MTIF2: variants seen among roughly 807,000 people sequenced by gnomAD.
MTIF2 encodes translation initiation factor IF-2, mitochondrial.
MTIF2 carries 71 observed loss-of-function variants against 83.5 expected under a neutral mutation model. The observed-to-expected ratio is 0.85, with a 90% CI of 0.70 to 1.04. The LOEUF (loss-of-function observed/expected upper bound fraction) is 1.04. Among genes scored for constraint, MTIF2 ranks in the 50% least tolerant of loss-of-function variants. The probability of loss-of-function intolerance (pLI) is 0.00; values close to 1 mark genes in which losing one functional copy is unlikely to be tolerated. For missense variants in MTIF2, 957 were observed against 846.5 expected, an observed-to-expected ratio of 1.13 and a Z score of -1.62; for synonymous variants, 319 against 287.1, an observed-to-expected ratio of 1.11 and a Z score of -1.12.
chr2:55,240,136 A>G lies in MTIF2; in HGVS notation c.1745T>C (p.Ile582Thr). The G allele has an allele frequency of 2.5e-6, 4 of 1,614,024 alleles. No individual in the cohort carries two copies. The highest frequency in any genetic ancestry group is 3.4e-6 in the Non-Finnish European group (4 of 1,179,928). Residue 582 changes from isoleucine (I) to threonine (T), a missense_variant, in exon 14 of 16, where the codon ATC (isoleucine) becomes ACC (threonine). Transcript: ENST00000263629. Reference sequence around the variant, plus strand: ...TCCTTTTTTTGCAGCTGACTGTTGGATAACATTGCCTGCATTCACATTAAA... The same window carrying G: ...TCCTTTTTTTGCAGCTGACTGTTGGGTAACATTGCCTGCATTCACATTAAA... ...YGFNVNAGNV[I>T]QQSAAKKGVK... is the part of the protein sequence containing the mutation.
Position 55,236,714 on chromosome 2 carries a change from T to C in MTIF2, c.2118A>G (p.Gly706=). The part of the protein sequence containing the change: ...LDEDNMEFQV[G]DRIVCYEEKQ... Reference sequence around the variant, plus strand: ...TTTCTTCATAACAAACAATTCTGTCTCCCACTTGAAATTCCATATTGTCTT... The same window carrying C: ...TTTCTTCATAACAAACAATTCTGTCCCCCACTTGAAATTCCATATTGTCTT... The change falls in exon 16 of 16, where the codon GGA becomes GGG. Residue 706 remains glycine (G), a synonymous_variant. Coordinates refer to ENST00000263629, the MANE Select transcript of MTIF2 (RefSeq NM_002453.3). 6.2e-7 allele frequency: 1 copy of C among 1,609,792 alleles called. No individual in the cohort carries two copies. The highest frequency in any genetic ancestry group is 8.5e-7 in the Non-Finnish European group (1 of 1,178,850).
rs149491282 is a variant in MTIF2, at chr2:55,243,565, T to G, written c.1415A>C (p.Glu472Ala). The G allele has an allele frequency of 1.7e-4, 268 of 1,613,998 alleles. No homozygotes were observed. Among genetic ancestry groups the G allele is most frequent in the Non-Finnish European group, 2.1e-4 (253 of 1,180,012 alleles). Residue 472 changes from glutamate (E) to alanine (A), a missense_variant, in exon 12 of 16, where the codon GAA becomes GCA. Physicochemically the swap from Glu to Ala is moderately radical, Grantham distance 107. Around this residue, in one of 3 missense-constraint regions of MTIF2, gnomAD observed 733 missense variants for 648.7 expected, o/e 1.13. Transcript: ENST00000263629. ...CTTCTCACGGGCTTTCTGATGTGCT[T>G]CTTTGTGTTCCTTTCGCTTTTCTTC... ...IIEEKRKEHK[E>A]AHQKAREKYG...
At chr2:55,237,512 T>A (rs1675941447) in intron 14 of MTIF2, 84 bp from the exon 15 acceptor site, 2 of 1,332,902 alleles carry the variant, frequency 1.5e-6, no homozygotes, top group South Asian at 3.9e-5. Context: ...GGTATAAGAA[T>A]TAAAGGTATG....
Position 55,254,032 on chromosome 2 carries a change from T to G in MTIF2, c.664+9A>C, listed in dbSNP as rs777696943. The G allele has an allele frequency of 5.6e-6, 9 of 1,613,414 alleles. No homozygotes were observed. The highest frequency in any genetic ancestry group is 7.6e-6 in the Non-Finnish European group (9 of 1,179,568). On this transcript the variant is annotated intron_variant, in intron 7 of 15. Transcript: ENST00000263629. Reference sequence around the variant, plus strand: ...CCCAAGCACATTGTAAGGTAATTTGTGTTCATACCAAGAAAGGCACCAATG... The same window carrying G: ...CCCAAGCACATTGTAAGGTAATTTGGGTTCATACCAAGAAAGGCACCAATG...
At chr2:55,249,651 T>A (rs1334165956) in intron 8 of MTIF2, 117 bp from the exon 9 acceptor site, 1 of 1,312,142 alleles carries the variant, frequency 7.6e-7, no homozygotes, top group African/African-American at 1.5e-5. Flanking sequence ...GATGTTTTTA[T>A]CTAACAAAAG....
chr2:55,258,179 T>C (rs1346956904), intron 5 of MTIF2, among the ~76,000 whole-genome samples: 1 of 152,114 alleles, frequency 6.6e-6, no homozygotes, highest in African/African-American at 2.4e-5. Context: ...TCCTTATAAT[T>C]TAGCAATAAG....
intron 5 of MTIF2, among the ~76,000 whole-genome samples, chr2:55,256,169 C>G (rs1287083724): frequency 6.6e-6 from 1 of 152,044 alleles, no homozygotes; most frequent in Non-Finnish European, 1.5e-5. Context: ...GCCACCATGC[C>G]CAGCAAGTAC....
intron 14 of MTIF2, 54 bp from the exon 15 acceptor site, chr2:55,237,482 CG>C: frequency 6.7e-7 from 1 of 1,501,774 alleles, no homozygotes; most frequent in South Asian, 1.3e-5. Flanking sequence ...CTGATAAATA[CG>C]TAATTTCTGA....
chr2:55,257,131 A>G (rs1677607040), intron 5 of MTIF2, among the ~76,000 whole-genome samples: 1 of 152,196 alleles, frequency 6.6e-6, no homozygotes, highest in Admixed American at 6.5e-5. Context: ...TGAAATAAGT[A>G]GTTTTATGTT....
At chr2:55,245,606 T>A (rs1025982064) in intron 10 of MTIF2, among the ~76,000 whole-genome samples, 2 of 152,100 alleles carry the variant, frequency 1.3e-5, no homozygotes, top group African/African-American at 4.8e-5. Flanking sequence ...AGGGTAATTT[T>A]AAAAGGTACA....
In MTIF2 at chr2:55,254,135, A is replaced by G; in HGVS notation, c.570T>C (p.Asp190=). 1 of 1,614,144 alleles carries G rather than the reference A, an allele frequency of 6.2e-7. No individual in the cohort carries two copies. The highest frequency in any genetic ancestry group is 1.1e-5 in the South Asian group (1 of 91,084). The change falls in exon 7 of 16, where the codon GAT becomes GAC. Residue 190 remains aspartate (D), a synonymous_variant. Coordinates refer to ENST00000263629, the MANE Select transcript of MTIF2 (RefSeq NM_002453.3). ...TGTCAAGTAATGTCGTTTTCCCGTG[A>G]TCAACATGGCCCATTATAGTAACAA... ...SPVVTIMGHV[D]HGKTTLLDKF...
In MTIF2 at chr2:55,237,411, C is replaced by T; in HGVS notation, c.1888G>A (p.Ala630Thr). 6.2e-7 allele frequency: 1 copy of T among 1,611,818 alleles called. No homozygotes were observed. Among genetic ancestry groups the T allele is most frequent in the Non-Finnish European group, 8.5e-7 (1 of 1,179,598 alleles). The change falls in exon 15 of 16, where the codon GCT becomes ACT. Residue 630 changes from alanine to threonine, a missense_variant. By Grantham distance (58) the Ala-to-Thr change is moderately conservative (BLOSUM62 0). Coordinates refer to ENST00000263629, the MANE Select transcript of MTIF2 (RefSeq NM_002453.3). ...TTCCCTTCTGTTACAGAGAAGGTAG[C>T]TAGTATAGATGCCTCACCTTTAGGA... is the stretch of plus-strand genomic sequence containing the variant. Reference protein sequence around the residue: ...EHPVGEASILATFSVTEGKKK... With the variant: ...EHPVGEASILTTFSVTEGKKK...
At chr2:55,242,757 T>A (rs1052514536) in intron 13 of MTIF2, among the ~76,000 whole-genome samples, 183 bp downstream of exon 13, 1 of 152,138 alleles carries the variant, frequency 6.6e-6, no homozygotes, top group East Asian at 1.9e-4. Flanking sequence ...CAAATGGAGC[T>A]ATAGCCACAA....
chr2:55,253,559 G>C (rs1180420257), intron 7 of MTIF2, among the ~76,000 whole-genome samples: 1 of 152,088 alleles, frequency 6.6e-6, no homozygotes, highest in Admixed American at 6.6e-5. Context: ...GCTCACACCT[G>C]TAATCCCAAC....
At chr2:55,255,548 TA>T (rs146251969) in intron 5 of MTIF2, among the ~76,000 whole-genome samples, 10,974 of 149,506 alleles carry the variant, frequency 0.073, 1,289 homozygotes, top group African/African-American at 0.25. Flanking sequence ...CCAATTGCAC[TA>T]TAACTCATGC....
At chr2:55,256,714 A>AT (rs397868333) in intron 5 of MTIF2, among the ~76,000 whole-genome samples, 22 of 149,648 alleles carry the variant, frequency 1.5e-4, no homozygotes, top group East Asian at 7.9e-4. Flanking sequence ...AAAAAAAAAA[A>AT]TTTTTTTTGA....
intron 13 of MTIF2, 56 bp from the exon 14 acceptor site, chr2:55,240,231 TA>T: frequency 7.0e-7 from 1 of 1,428,834 alleles, no homozygotes; most frequent in South Asian, 1.3e-5. Context: ...TATAATCATT[TA>T]TTTGTCTTTC....
At chr2:55,253,985 G>A (rs79531794) in intron 7 of MTIF2, 56 bp downstream of exon 7, 369 of 1,567,388 alleles carry the variant, frequency 2.4e-4, no homozygotes, top group Admixed American at 3.3e-4. Flanking sequence ...ATGACATTTA[G>A]TTTAAGAAAA....
At chr2:55,237,571 C>G (rs1193775893) in intron 14 of MTIF2, 143 bp from the exon 15 acceptor site, 1 of 583,596 alleles carries the variant, frequency 1.7e-6, no homozygotes, top group East Asian at 3.3e-5. Flanking sequence ...TTCTTTAACT[C>G]CAATTTTATT....
Sources: allele counts gnomAD v4.1 joint callset (sites outside exome capture counted in the v4.1 genomes callset), GRCh38; gene constraint gnomAD v4.1.1; regional missense constraint gnomAD v4.1.1; transcripts MANE v1.5; gene names NCBI Gene and HGNC (gene_info 2026-07-23, HGNC 2026-07-21).